NAALADL2: variants seen among roughly 807,000 people sequenced by gnomAD.
NAALADL2 encodes the protein N-acetylated alpha-linked acidic dipeptidase like 2.
A neutral mutation model predicts 87.2 loss-of-function variants in NAALADL2; 76 were observed. That is an observed-to-expected ratio of 0.87 (90% CI 0.72 to 1.05). NAALADL2 has a LOEUF of 1.05. NAALADL2 is among the 50% of genes least tolerant of loss of function. The pLI is 0.00. For synonymous variants in NAALADL2, 354 were observed against 331.0 expected, an observed-to-expected ratio of 1.07 and a Z score of -0.75; for missense variants, 1,089 against 945.8, an observed-to-expected ratio of 1.15 and a Z score of -1.99.
chr3:174,585,746 A>G (rs1258068761), intron 2 of NAALADL2, among the ~76,000 whole-genome samples: 2 of 152,168 alleles, frequency 1.3e-5, no homozygotes, highest in African/African-American at 4.8e-5. Context: ...AAGCAATATT[A>G]ATAATAACGA....
chr3:175,082,694 T>C (rs76342240), intron 1 of NAALADL2, among the ~76,000 whole-genome samples: 1 of 152,264 alleles, frequency 6.6e-6, no homozygotes, highest in Non-Finnish European at 1.5e-5. Flanking sequence ...TTTCTTTTTT[T>C]GGAACAATTT....
chr3:175,708,197 C>T (rs1314419646), intron 11 of NAALADL2, among the ~76,000 whole-genome samples: 2 of 152,064 alleles, frequency 1.3e-5, no homozygotes, highest in South Asian at 2.1e-4. Flanking sequence ...CATATAAAGA[C>T]ATGTTCATAA....
At chr3:175,255,731 A>G (rs1018276485) in intron 3 of NAALADL2, among the ~76,000 whole-genome samples, 23 of 152,114 alleles carry the variant, frequency 1.5e-4, no homozygotes, top group African/African-American at 5.3e-4. Flanking sequence ...TCTTTTTTGC[A>G]TTAACACAGA....
chr3:175,092,612 G>A (rs1720353135), intron 1 of NAALADL2, among the ~76,000 whole-genome samples: 1 of 151,644 alleles, frequency 6.6e-6, no homozygotes, highest in Admixed American at 6.6e-5. Context: ...GCCAGTATTT[G>A]TGAAATAGCA....
chr3:175,679,275 G>GT lies in NAALADL2; in HGVS notation c.1896+51891dup, dbSNP rs1735267901. Among the ~76,000 whole-genome samples the GT allele has an allele frequency of 5.6e-5, 7 of 125,772 alleles. No individual in the cohort carries two copies. In the South Asian group the frequency reaches 1.8e-3, roughly 32 times the overall value. 82.5% of individuals were successfully genotyped at this position (125,772 alleles called of 152,430 possible). On this transcript the variant is annotated intron_variant, in intron 11 of 13. Coordinates refer to ENST00000454872, the MANE Select transcript of NAALADL2 (RefSeq NM_207015.3). ...CATGTACCCTAGAACTTAAAGTATA[G>GT]TTAAAAAAAAAAAAAAAAAAGAATG... is the stretch of plus-strand genomic sequence containing the variant.
intron 9 of NAALADL2, among the ~76,000 whole-genome samples, chr3:175,506,885 G>A (rs1730402142): frequency 6.6e-6 from 1 of 152,100 alleles, no homozygotes. Flanking sequence ...CACTTGCTAT[G>A]ATGATACCCC....
intron 2 of NAALADL2, among the ~76,000 whole-genome samples, chr3:174,575,385 T>C (rs1715408416): frequency 6.6e-6 from 1 of 152,312 alleles, no homozygotes; most frequent in African/African-American, 2.4e-5. Flanking sequence ...CTTGGTACTT[T>C]GTGAGCAATT....
At chr3:174,882,393 G>A (rs1353701073) in intron 1 of NAALADL2, among the ~76,000 whole-genome samples, 3 of 151,116 alleles carry the variant, frequency 2.0e-5, no homozygotes, top group Non-Finnish European at 3.0e-5. Context: ...CTAGAGGAAC[G>A]GAACTAATAT....
intron 11 of NAALADL2, among the ~76,000 whole-genome samples, chr3:175,702,574 T>A (rs906217739): frequency 2.0e-5 from 3 of 152,134 alleles, no homozygotes; most frequent in Non-Finnish European, 4.4e-5. Context: ...TCCAATAAAG[T>A]CAACCTTTGC....
At chr3:175,409,673 A>T (rs545624092) in intron 5 of NAALADL2, among the ~76,000 whole-genome samples, 59 of 152,034 alleles carry the variant, frequency 3.9e-4, no homozygotes, top group Non-Finnish European at 6.8e-4. Flanking sequence ...TTGTAAATTC[A>T]TTAATTTAGG....
intron 1 of NAALADL2, among the ~76,000 whole-genome samples, chr3:174,997,881 A>G (rs1195816326): frequency 6.6e-6 from 1 of 151,996 alleles, no homozygotes; most frequent in African/African-American, 2.4e-5. Flanking sequence ...AGAGGGTGAT[A>G]TAAATAGAAA....
intron 1 of NAALADL2, among the ~76,000 whole-genome samples, chr3:174,453,278 G>T (rs1715605911): frequency 6.6e-6 from 1 of 152,118 alleles, no homozygotes; most frequent in Non-Finnish European, 1.5e-5. Flanking sequence ...AGAAATATGG[G>T]ATTACATAAA....
At chr3:174,929,901 A>G (rs73881559) in intron 1 of NAALADL2, among the ~76,000 whole-genome samples, 1,547 of 152,292 alleles carry the variant, frequency 0.01, 18 homozygotes, top group African/African-American at 0.035. Context: ...ATTTTTGTAA[A>G]GAATAAATGA....
At chr3:175,048,553 G>A (rs1754970121) in intron 1 of NAALADL2, among the ~76,000 whole-genome samples, 1 of 149,340 alleles carries the variant, frequency 6.7e-6, no homozygotes. Context: ...AGCAATTAAA[G>A]GAAAGAGGAA....
Position 174,603,338 on chromosome 3 carries a change from T to C in NAALADL2, c.-115+52701T>C, listed in dbSNP as rs145617828. ...GGATTTCTTCATGGTTTCATCTTGG[T>C]AGGTTGTATGTGTCTAAATTTGTCC... On this transcript the variant is annotated intron_variant, in intron 2 of 3. Transcript: ENST00000434257. 1.8e-4 allele frequency among the ~76,000 whole-genome samples: 27 copies of C among 152,134 alleles called. 1 individual carries two copies. The East Asian group carries it at 4.8e-3, about 27-fold the overall frequency.
At chr3:175,420,130 C>T (rs535315725) in intron 5 of NAALADL2, among the ~76,000 whole-genome samples, 8 of 151,924 alleles carry the variant, frequency 5.3e-5, no homozygotes, top group East Asian at 3.9e-4. Context: ...TACAGATGCC[C>T]GCAGTTAGAT....
At chr3:175,150,610 T>C (rs1731409869) in intron 2 of NAALADL2, among the ~76,000 whole-genome samples, 1 of 152,184 alleles carries the variant, frequency 6.6e-6, no homozygotes, top group African/African-American at 2.4e-5. Context: ...TAGCCTGCCT[T>C]AATTTGCATT....
In NAALADL2 at chr3:175,418,092, G is replaced by A. The variant is rs111855847; in HGVS notation, c.1091-29137G>A. ...AAGAGTTTGGGAAATCAAAAAAGGA[G>A]AGCTGAAGTATAGGAGAATGAGACC... On this transcript the variant is annotated intron_variant, in intron 5 of 13. Coordinates refer to ENST00000454872, the MANE Select transcript of NAALADL2 (RefSeq NM_207015.3). 4.0e-3 allele frequency among the ~76,000 whole-genome samples: 607 copies of A among 152,214 alleles called. 8 individuals carry two copies. Among genetic ancestry groups the A allele is most frequent in the African/African-American group, 0.014 (573 of 41,556 alleles).
At chr3:175,152,003 TA>T (rs924819415) in intron 2 of NAALADL2, among the ~76,000 whole-genome samples, 9 of 152,310 alleles carry the variant, frequency 5.9e-5, no homozygotes, top group African/African-American at 1.9e-4. Flanking sequence ...TTTAACAGAT[TA>T]AAAGTAATGT....
Sources: gnomAD v4.1 joint callset for allele counts (sites outside exome capture counted in the v4.1 genomes callset) on GRCh38, gnomAD v4.1.1 for gene constraint, MANE v1.5 for transcripts, NCBI Gene and HGNC (gene_info 2026-07-23, HGNC 2026-07-21) for gene names.